The following ANKRD13C variants were observed in gnomAD, a reference collection of about 807,000 sequenced individuals.
ANKRD13C encodes the protein ankyrin repeat domain 13C, also known as ankyrin repeat domain-containing protein 13C.
A neutral mutation model predicts 65.5 loss-of-function variants in ANKRD13C; 16 were observed. The observed-to-expected ratio is 0.24, with a 90% CI of 0.17 to 0.37. The LOEUF (loss-of-function observed/expected upper bound fraction) is 0.37. Ranked by LOEUF, ANKRD13C falls within the 10% of genes least tolerant of loss-of-function variation. ANKRD13C has a pLI of 1.00. For missense variants in ANKRD13C, 503 were observed against 655.9 expected (o/e 0.77, Z 2.55); for synonymous variants, 235 against 238.7 (o/e 0.98, Z 0.14).
chr1:70,264,466 ACT>A (rs1174611449), intron 12 of ANKRD13C, among the ~76,000 whole-genome samples: 4 of 130,820 alleles, frequency 3.1e-5, no homozygotes, highest in Non-Finnish European at 6.3e-5. Context: ...ACAGAGCAAG[ACT>A]CTATCTCAAA....
chr1:70,352,110 C>T (rs770642188), intron 1 of ANKRD13C, among the ~76,000 whole-genome samples: 222 of 152,168 alleles, frequency 1.5e-3, no homozygotes, highest in Non-Finnish European at 2.7e-3. Flanking sequence ...GAGGCCGAGG[C>T]GGGCAGATCA....
chr1:70,285,617 ATAGAGT>A (rs951676281), intron 9 of ANKRD13C, among the ~76,000 whole-genome samples: 8 of 151,520 alleles, frequency 5.3e-5, no homozygotes, highest in African/African-American at 1.9e-4. Context: ...ACATTAAATA[ATAGAGT>A]TAAACACTTT....
chr1:70,312,516 A>T (rs1337100611), intron 5 of ANKRD13C, among the ~76,000 whole-genome samples: 1 of 152,016 alleles, frequency 6.6e-6, no homozygotes, highest in Admixed American at 6.6e-5. Context: ...TATAGAGAAA[A>T]CTATAGAGCC....
At chr1:70,302,808 T>C (rs1680433888) in intron 6 of ANKRD13C, among the ~76,000 whole-genome samples, 2 of 150,040 alleles carry the variant, frequency 1.3e-5, no homozygotes, top group South Asian at 2.1e-4. Context: ...TGTGGGCTCC[T>C]GATAATACCA....
At chr1:70,337,488 G>A (rs982309308) in intron 1 of ANKRD13C, among the ~76,000 whole-genome samples, 1 of 152,124 alleles carries the variant, frequency 6.6e-6, no homozygotes, top group Non-Finnish European at 1.5e-5. Context: ...GCTGAGGCAG[G>A]AGAATTGCTT....
At chr1:70,274,473 CAAAAAAA>C (rs769480539) in intron 11 of ANKRD13C, among the ~76,000 whole-genome samples, 2 of 38,676 alleles carry the variant, frequency 5.2e-5, no homozygotes, top group East Asian at 1.8e-3. Context: ...GACTCCATCT[CAAAAAAA>C]AAAAAAAAAA....
chr1:70,265,252 A>G (rs1424629710), intron 12 of ANKRD13C, among the ~76,000 whole-genome samples: 2 of 152,212 alleles, frequency 1.3e-5, no homozygotes, highest in Non-Finnish European at 2.9e-5. Context: ...TGTGCTCCAG[A>G]AGGAGCAGCC....
rs747105300 is a variant in ANKRD13C at position 70,276,751 on chromosome 1, A to G, written c.1295+14T>C. 5 of 1,567,960 alleles carry G rather than the reference A, an allele frequency of 3.2e-6. No homozygotes were observed. The highest frequency in any genetic ancestry group is 3.4e-4 in the Middle Eastern group (2 of 5,960). On this transcript the variant is annotated intron_variant, in intron 10 of 12. Transcript: ENST00000370944. ...CTAAAAACCAAATAACACATAAACA[A>G]GAAAAAAACTTACTTTCCATTTTCA...
chr1:70,320,188 T>A (rs888619454), intron 3 of ANKRD13C, among the ~76,000 whole-genome samples: 26 of 152,198 alleles, frequency 1.7e-4, no homozygotes, highest in African/African-American at 6.3e-4. Flanking sequence ...GACAAGGAAG[T>A]GATAGTATCA....
At chr1:70,342,133 T>C (rs927025760) in intron 1 of ANKRD13C, among the ~76,000 whole-genome samples, 2 of 151,498 alleles carry the variant, frequency 1.3e-5, no homozygotes, top group Admixed American at 6.6e-5. Flanking sequence ...AAATGATAAC[T>C]CCATTTTGGA....
At chr1:70,325,345 T>G (rs1681488049) in intron 2 of ANKRD13C, among the ~76,000 whole-genome samples, 1 of 152,218 alleles carries the variant, frequency 6.6e-6, no homozygotes, top group Non-Finnish European at 1.5e-5. Flanking sequence ...GTCCATAATG[T>G]CAAATAGTAA....
chr1:70,298,394 T>C (rs976550644), intron 7 of ANKRD13C, among the ~76,000 whole-genome samples: 1 of 152,172 alleles, frequency 6.6e-6, no homozygotes, highest in Non-Finnish European at 1.5e-5. Context: ...ACATACATAT[T>C]AGGATAAACA....
chr1:70,295,988 T>C, intron 8 of ANKRD13C, 142 bp downstream of exon 8: 3 of 897,080 alleles, frequency 3.3e-6, no homozygotes, highest in Non-Finnish European at 4.9e-6. Flanking sequence ...CCATTATAAT[T>C]CCTTATCTGG....
chr1:70,308,170 AT>A (rs538870316), intron 5 of ANKRD13C, among the ~76,000 whole-genome samples: 1 of 151,974 alleles, frequency 6.6e-6, no homozygotes. Context: ...TTACTTATTT[AT>A]TTTTTTAAAG....
chr1:70,288,017 C>A (rs1486803916), intron 9 of ANKRD13C, among the ~76,000 whole-genome samples: 1 of 151,924 alleles, frequency 6.6e-6, no homozygotes, highest in Non-Finnish European at 1.5e-5. Context: ...GAGACCATGT[C>A]TCAGAAACAA....
chr1:70,262,117 T>C lies in ANKRD13C; in HGVS notation c.*600A>G, dbSNP rs1189912117. On this transcript the variant is annotated 3_prime_UTR_variant, in exon 13 of 13. Transcript: ENST00000370944. ...AATGTATTGCAACATATAAATGCAATTGTTTAATGGTTACCATTTGGTTCA... is the reference window on the plus strand; with the variant it reads ...AATGTATTGCAACATATAAATGCAACTGTTTAATGGTTACCATTTGGTTCA... 1.3e-5 allele frequency: 2 copies of C among 152,598 alleles called. No homozygotes were observed. Among genetic ancestry groups the C allele is most frequent in the African/African-American group, 4.8e-5 (2 of 41,446 alleles). 9.5% of individuals were successfully genotyped at this position (152,598 alleles called of 1,614,324 possible). A position where few individuals can be genotyped will look rare whatever the true frequency, so the allele number is the denominator to read the frequency against.
intron 1 of ANKRD13C, among the ~76,000 whole-genome samples, chr1:70,338,846 T>C (rs1408952680): frequency 6.6e-6 from 1 of 152,192 alleles, no homozygotes; most frequent in East Asian, 1.9e-4. Flanking sequence ...TCCAATTTGA[T>C]TGGTCTAGAA....
intron 12 of ANKRD13C, among the ~76,000 whole-genome samples, chr1:70,263,927 A>C (rs1678492626): frequency 6.6e-6 from 1 of 152,222 alleles, no homozygotes; most frequent in Admixed American, 6.5e-5. Flanking sequence ...GCAGAAAGTT[A>C]TGTTCTTATG....
intron 9 of ANKRD13C, among the ~76,000 whole-genome samples, 172 bp from the exon 10 acceptor site, chr1:70,277,016 CTATTGGTAA>C (rs1433417170): frequency 6.6e-6 from 1 of 152,104 alleles, no homozygotes; most frequent in Non-Finnish European, 1.5e-5. Flanking sequence ...GGTTTAAGCT[CTATTGGTAA>C]TATTTATTAT....
Sources: allele counts gnomAD v4.1 joint callset (sites outside exome capture counted in the v4.1 genomes callset), GRCh38; gene constraint gnomAD v4.1.1; transcripts MANE v1.5; gene names NCBI Gene and HGNC (gene_info 2026-07-23, HGNC 2026-07-21).